Variants in ELP3 observed in about 807,000 individuals in gnomAD.
The protein encoded by ELP3 is elongator acetyltransferase complex subunit 3.
ELP3 carries 56 observed loss-of-function variants against 74.9 expected under a neutral mutation model. The observed-to-expected ratio is 0.75, with a 90% CI of 0.60 to 0.93. The LOEUF is 0.93. ELP3 is among the 40% of genes least tolerant of loss of function. The probability of loss-of-function intolerance (pLI) is 0.00; values close to 1 mark genes in which losing one functional copy is unlikely to be tolerated. For synonymous variants in ELP3, 222 were observed against 239.8 expected, an observed-to-expected ratio of 0.93 and a Z score of 0.68; for missense variants, 573 against 686.5, an observed-to-expected ratio of 0.83 and a Z score of 1.85.
At chr8:28,177,768 C>A (rs1278156096) in intron 14 of ELP3, among the ~76,000 whole-genome samples, 1 of 152,196 alleles carries the variant, frequency 6.6e-6, no homozygotes, top group Non-Finnish European at 1.5e-5. Flanking sequence ...TTTCCTGCTT[C>A]AGACATGAAA....
intron 11 of ELP3, 44 bp from the exon 12 acceptor site, chr8:28,158,524 C>A: frequency 1.6e-6 from 2 of 1,220,780 alleles, no homozygotes; most frequent in South Asian, 1.2e-5. Context: ...ATATTTGTAC[C>A]CCTCCCACCC....
At chr8:28,170,486 C>G (rs550086941) in intron 14 of ELP3, among the ~76,000 whole-genome samples, 15 of 152,320 alleles carry the variant, frequency 9.8e-5, no homozygotes, top group African/African-American at 3.6e-4. Context: ...CATCTCTCTT[C>G]CGTGAGGACA....
Position 28,097,089 on chromosome 8 carries a change from C to T in ELP3, c.20-130C>T, listed in dbSNP as rs1811281488. ...CAAATTGTAAACAGTAGAGATTTAG[C>T]ATCTTCTGAACTTGAGCTATTCATT... On this transcript the variant is annotated intron_variant, in intron 1 of 14. Coordinates refer to ENST00000256398, the MANE Select transcript of ELP3 (RefSeq NM_018091.6). 6.8e-6 allele frequency: 4 copies of T among 588,826 alleles called. No individual in the cohort carries two copies. In the South Asian group the frequency reaches 8.8e-5, roughly 13 times the overall value. The allele number at this position is 588,826 out of a possible 1,614,324, so 36.5% of individuals were successfully genotyped here. A position where few individuals can be genotyped will look rare whatever the true frequency, so the allele number is the denominator to read the frequency against.
intron 7 of ELP3, among the ~76,000 whole-genome samples, chr8:28,127,455 T>A (rs1208705683): frequency 6.6e-6 from 1 of 152,232 alleles, no homozygotes; most frequent in Non-Finnish European, 1.5e-5. Flanking sequence ...AAAAACGTCA[T>A]TTAGAGCTTT....
At position 28,147,411 on chromosome 8, in the gene ELP3, AAAG is replaced by A. The variant is rs1233159780; in HGVS notation, c.1101-8527_1101-8525del. On this transcript the variant is annotated intron_variant, in intron 10 of 14. Transcript: ENST00000256398. This position sits in a 1 kb window ranked among gnomAD's most constrained non-coding sequence, Gnocchi z 4.5. ...TGTTGGGAGATTAGTTACATTGAGC[AAAG>A]AAGTTATTTGATTTAGCAAATGAGT... 6.6e-6 allele frequency among the ~76,000 whole-genome samples: 1 copy of A among 152,188 alleles called. No individual in the cohort carries two copies.
intron 14 of ELP3, among the ~76,000 whole-genome samples, chr8:28,181,563 A>G (rs1467719225): frequency 6.6e-6 from 1 of 152,232 alleles, no homozygotes; most frequent in Non-Finnish European, 1.5e-5. Flanking sequence ...GACATTGAAA[A>G]ACTGGACACA....
chr8:28,154,480 ATG>A (rs765493743), intron 10 of ELP3, among the ~76,000 whole-genome samples: 12 of 152,194 alleles, frequency 7.9e-5, no homozygotes, highest in Non-Finnish European at 1.6e-4. Flanking sequence ...TATTTCTTAT[ATG>A]TGTATATATG....
chr8:28,098,949 A>G (rs1407644855), intron 2 of ELP3, among the ~76,000 whole-genome samples: 3 of 152,184 alleles, frequency 2.0e-5, no homozygotes, highest in Admixed American at 1.3e-4. Context: ...GTTTTATGAC[A>G]TATGTTTTAA....
chr8:28,157,442 C>T (rs1033193161), intron 11 of ELP3, among the ~76,000 whole-genome samples: 6 of 152,142 alleles, frequency 3.9e-5, no homozygotes, highest in Non-Finnish European at 7.3e-5. Flanking sequence ...TGATCATCTT[C>T]GTCTGCTGTA....
chr8:28,164,987 G>A (rs1814251191), intron 14 of ELP3, among the ~76,000 whole-genome samples: 1 of 152,020 alleles, frequency 6.6e-6, no homozygotes, highest in Non-Finnish European at 1.5e-5. Flanking sequence ...TGGTGTCTGT[G>A]GGCTGCATTT....
chr8:28,162,072 A>G lies in ELP3; in HGVS notation c.1561A>G (p.Ile521Val). ...ACATGGGTCTGGGAAAATCGCTGTG[A>G]TATCAGGTAACTGGGGGAGGGCGAA... Reference protein sequence around the residue: ...EEHGSGKIAVISGVGTRNYYR... With the variant: ...EEHGSGKIAVVSGVGTRNYYR... The change falls in exon 14 of 15, where the codon ATA becomes GTA. Residue 521 changes from isoleucine (I) to valine (V), a missense_variant. Physicochemically the swap from Ile to Val is conservative, Grantham distance 29 (BLOSUM62 3). Coordinates refer to ENST00000256398, the MANE Select transcript of ELP3 (RefSeq NM_018091.6). 1 of 1,614,148 alleles carries G rather than the reference A, an allele frequency of 6.2e-7. No homozygotes were observed. The highest frequency in any genetic ancestry group is 8.5e-7 in the Non-Finnish European group (1 of 1,179,994).
At chr8:28,117,051 G>C (rs568282513) in intron 7 of ELP3, among the ~76,000 whole-genome samples, 1 of 152,002 alleles carries the variant, frequency 6.6e-6, no homozygotes, top group Admixed American at 6.6e-5. Context: ...ATATACTTCT[G>C]TACTCATTTC....
In ELP3 at chr8:28,187,878, C is replaced by CGA. The variant is rs759637980; in HGVS notation, c.1568-1771_1568-1770insGA. ...ACGAATCTGAGGCTCAAGGAGAGCT[C>CGA]TGAGTGACAGATTTAGGGGTTGCCA... On this transcript the variant is annotated intron_variant, in intron 14 of 14. Coordinates refer to ENST00000256398, the MANE Select transcript of ELP3 (RefSeq NM_018091.6). Among the ~76,000 whole-genome samples the CGA allele has an allele frequency of 2.9e-4, 44 of 152,290 alleles. 1 individual carries two copies. The highest frequency in any genetic ancestry group is 2.5e-3 in the East Asian group (13 of 5,184).
intron 5 of ELP3, among the ~76,000 whole-genome samples, chr8:28,109,122 G>A (rs1331095039): frequency 6.6e-6 from 1 of 152,118 alleles, no homozygotes. Context: ...TTTAGCGTAG[G>A]AGTCATGAGA....
chr8:28,172,564 T>C (rs1814571983), intron 14 of ELP3, among the ~76,000 whole-genome samples: 1 of 152,126 alleles, frequency 6.6e-6, no homozygotes, highest in Non-Finnish European at 1.5e-5. Context: ...TCTTTAGCAT[T>C]GCCTACATAT....
At chr8:28,175,876 A>G (rs1814730896) in intron 14 of ELP3, among the ~76,000 whole-genome samples, 1 of 134,536 alleles carries the variant, frequency 7.4e-6, no homozygotes, top group Non-Finnish European at 1.5e-5. Context: ...GTACAGTGGC[A>G]TGATCTCGGC....
intron 7 of ELP3, among the ~76,000 whole-genome samples, chr8:28,123,569 T>C (rs1161219516): frequency 6.6e-6 from 1 of 152,212 alleles, no homozygotes; most frequent in Non-Finnish European, 1.5e-5. Context: ...AAATTTTGTT[T>C]TTTATTCTTT....
chr8:28,107,864 T>G, intron 4 of ELP3, 49 bp from the exon 5 acceptor site: 1 of 1,489,088 alleles, frequency 6.7e-7, no homozygotes, highest in East Asian at 2.3e-5. Flanking sequence ...ACTAGCTGAT[T>G]GAACTCAGTT....
chr8:28,186,157 G>T (rs1454262877), intron 14 of ELP3, among the ~76,000 whole-genome samples: 1 of 152,074 alleles, frequency 6.6e-6, no homozygotes, highest in African/African-American at 2.4e-5. Flanking sequence ...AAAGTAGAAC[G>T]GGGGTTGTCA....
Sources: gnomAD v4.1 joint callset for allele counts (sites outside exome capture counted in the v4.1 genomes callset) on GRCh38, gnomAD v4.1.1 for gene constraint, Gnocchi (gnomAD v3.1) non-coding constraint, MANE v1.5 for transcripts, NCBI Gene and HGNC (gene_info 2026-07-23, HGNC 2026-07-21) for gene names.